The following ZCWPW2 variants were observed in gnomAD, a reference collection of about 807,000 sequenced individuals.
ZCWPW2 encodes zinc finger CW-type and PWWP domain containing 2.
A neutral mutation model predicts 46.6 loss-of-function variants in ZCWPW2; 45 were observed. That is an observed-to-expected ratio of 0.96 (90% confidence interval 0.76 to 1.24). The LOEUF (loss-of-function observed/expected upper bound fraction) is 1.24. Ranked by LOEUF, ZCWPW2 falls within the 50% of genes most tolerant of loss-of-function variation. The pLI, the probability that ZCWPW2 is intolerant of heterozygous loss-of-function variation, is 0.00. For missense variants in ZCWPW2, 429 were observed against 403.9 expected, an observed-to-expected ratio of 1.06 and a Z score of -0.53; for synonymous variants, 152 against 137.1, an observed-to-expected ratio of 1.11 and a Z score of -0.76.
intron 6 of ZCWPW2, among the ~76,000 whole-genome samples, chr3:28,509,584 G>C (rs1221715927): frequency 1.3e-5 from 2 of 152,056 alleles, no homozygotes; most frequent in Non-Finnish European, 2.9e-5. Context: ...AATGACTAAT[G>C]ATATTAAGCA....
At position 28,364,216 on chromosome 3, in the gene ZCWPW2, G is replaced by A. The variant is rs369066431; in HGVS notation, c.-134+15013G>A. ...GGTACAACCACTTTGGAAAGTAATT[G>A]GCATTATCTATTATGTATGACCCAG... On this transcript the variant is annotated intron_variant, in intron 1 of 9. Coordinates refer to ENST00000383768, the MANE Select transcript of ZCWPW2 (RefSeq NM_001040432.4). 5.3e-5 allele frequency among the ~76,000 whole-genome samples: 8 copies of A among 152,224 alleles called. No individual in the cohort carries two copies. In the East Asian group the frequency reaches 9.6e-4, roughly 18 times the overall value.
chr3:28,458,598 G>T (rs1346784026), intron 4 of ZCWPW2, among the ~76,000 whole-genome samples: 2 of 152,092 alleles, frequency 1.3e-5, no homozygotes, highest in African/African-American at 4.8e-5. Context: ...CAGATCTTAT[G>T]ATTACAAACT....
chr3:28,483,440 TCTC>T (rs1699496995), intron 5 of ZCWPW2, among the ~76,000 whole-genome samples: 1 of 152,188 alleles, frequency 6.6e-6, no homozygotes, highest in Admixed American at 6.5e-5. Flanking sequence ...GCATTGTTCT[TCTC>T]CTTCCATATT....
chr3:28,499,100 A>G (rs113276241), intron 6 of ZCWPW2, among the ~76,000 whole-genome samples: 5 of 152,178 alleles, frequency 3.3e-5, no homozygotes, highest in African/African-American at 2.4e-5. Flanking sequence ...CAGTGCTGCA[A>G]TAAACATACG....
intron 1 of ZCWPW2, among the ~76,000 whole-genome samples, chr3:28,384,372 T>A (rs1054533338): frequency 2.7e-4 from 41 of 152,286 alleles, no homozygotes; most frequent in African/African-American, 8.9e-4. Flanking sequence ...GAAAATTTTT[T>A]AAAAATATTC....
intron 4 of ZCWPW2, among the ~76,000 whole-genome samples, chr3:28,473,577 A>G (rs1413743931): frequency 1.3e-5 from 2 of 152,088 alleles, no homozygotes; most frequent in Non-Finnish European, 2.9e-5. Context: ...GATAATCTAC[A>G]CTCTAATGTT....
At chr3:28,481,022 T>C (rs949705313) in intron 5 of ZCWPW2, among the ~76,000 whole-genome samples, 1 of 151,022 alleles carries the variant, frequency 6.6e-6, no homozygotes, top group African/African-American at 2.4e-5. Context: ...CATGCCACCA[T>C]ACCCGGATAA....
At chr3:28,493,286 C>T (rs1220735603) in intron 6 of ZCWPW2, among the ~76,000 whole-genome samples, 1 of 118,000 alleles carries the variant, frequency 8.5e-6, no homozygotes, top group Non-Finnish European at 1.8e-5. Flanking sequence ...TCTCCCAATG[C>T]TATCCCTCCC....
intron 6 of ZCWPW2, among the ~76,000 whole-genome samples, chr3:28,498,906 T>C (rs1397653955): frequency 6.6e-6 from 1 of 152,164 alleles, no homozygotes; most frequent in Non-Finnish European, 1.5e-5. Flanking sequence ...TGTTTGGTTT[T>C]CTGTTCCTGT....
At position 28,524,854 on chromosome 3, in the gene ZCWPW2, C is replaced by T; in HGVS notation, c.*166C>T. On this transcript the variant is annotated 3_prime_UTR_variant, in exon 10 of 10. Coordinates refer to ENST00000383768, the MANE Select transcript of ZCWPW2 (RefSeq NM_001040432.4). ...TTGAGAATGGCCATGATTTTTAGAG[C>T]CAGTCAAATGGTATTTAAGTTAGTG... The T allele has an allele frequency of 2.0e-6, 1 of 497,150 alleles. No individual in the cohort carries two copies. The highest frequency in any genetic ancestry group is 3.1e-6 in the Non-Finnish European group (1 of 324,054). 30.8% of individuals were successfully genotyped at this position (497,150 alleles called of 1,614,324 possible). A position where few individuals can be genotyped will look rare whatever the true frequency, so the allele number is the denominator to read the frequency against.
At chr3:28,473,443 C>G (rs1053803757) in intron 4 of ZCWPW2, among the ~76,000 whole-genome samples, 1 of 151,998 alleles carries the variant, frequency 6.6e-6, no homozygotes, top group South Asian at 2.1e-4. Context: ...CCACTGCACT[C>G]CAGCTTGGGT....
At position 28,377,240 on chromosome 3, in the gene ZCWPW2, T is replaced by G. The variant is rs114175130; in HGVS notation, c.-133-13258T>G. Among the ~76,000 whole-genome samples the G allele has an allele frequency of 7.7e-3, 1,171 of 152,208 alleles. 15 individuals carry two copies. The highest frequency in any genetic ancestry group is 0.026 in the African/African-American group (1,084 of 41,564). ...GCTTTCATTTTTGCATCATGCAATT[T>G]AAAACTACTTCCATTTTTACATTCT... On this transcript the variant is annotated intron_variant, in intron 1 of 9. Coordinates refer to ENST00000383768, the MANE Select transcript of ZCWPW2 (RefSeq NM_001040432.4).
At chr3:28,361,658 A>G (rs541086397) in intron 1 of ZCWPW2, among the ~76,000 whole-genome samples, 1 of 152,238 alleles carries the variant, frequency 6.6e-6, no homozygotes, top group South Asian at 2.1e-4. Context: ...TATCAAAAAT[A>G]TATAAGAAAT....
intron 1 of ZCWPW2, among the ~76,000 whole-genome samples, chr3:28,350,479 G>A (rs967587905): frequency 2.6e-5 from 4 of 152,224 alleles, no homozygotes; most frequent in South Asian, 2.1e-4. Context: ...TACACAGTGG[G>A]TTTATTAACA....
At chr3:28,378,557 A>T (rs1207354892) in intron 1 of ZCWPW2, among the ~76,000 whole-genome samples, 2 of 152,112 alleles carry the variant, frequency 1.3e-5, no homozygotes, top group Admixed American at 6.5e-5. Context: ...TATGATAAAG[A>T]GATGTTCAGA....
At chr3:28,452,273 C>CTTAT (rs966652668) in intron 4 of ZCWPW2, among the ~76,000 whole-genome samples, 9 of 152,084 alleles carry the variant, frequency 5.9e-5, no homozygotes, top group Admixed American at 5.9e-4. Context: ...GATACCTCAT[C>CTTAT]TTATTTATTT....
intron 4 of ZCWPW2, among the ~76,000 whole-genome samples, chr3:28,467,209 A>C (rs1239999571): frequency 1.3e-5 from 2 of 152,202 alleles, no homozygotes; most frequent in African/African-American, 4.8e-5. Flanking sequence ...ACCTGCGGAA[A>C]AAAATGTCCA....
At chr3:28,465,845 A>G (rs941580353) in intron 4 of ZCWPW2, among the ~76,000 whole-genome samples, 27 of 152,198 alleles carry the variant, frequency 1.8e-4, no homozygotes, top group Non-Finnish European at 1.9e-4. Flanking sequence ...GTGTCAGGTC[A>G]TAGTCTTTCT....
intron 1 of ZCWPW2, among the ~76,000 whole-genome samples, chr3:28,352,155 C>G (rs929347004): frequency 2.0e-5 from 3 of 147,268 alleles, no homozygotes; most frequent in African/African-American, 7.5e-5. Context: ...CACACACACA[C>G]ACACACACAC....
Sources: gnomAD v4.1 joint callset for allele counts (sites outside exome capture counted in the v4.1 genomes callset) on GRCh38, gnomAD v4.1.1 for gene constraint, MANE v1.5 for transcripts, NCBI Gene and HGNC (gene_info 2026-07-23, HGNC 2026-07-21) for gene names.